Variants in ARHGAP19 observed in about 807,000 individuals in gnomAD.
ARHGAP19 encodes the protein Rho GTPase activating protein 19, also known as rho GTPase-activating protein 19.
Under a neutral mutation model 60.9 loss-of-function variants are expected in ARHGAP19, and 48 were observed. The ratio of observed to expected loss-of-function variants is 0.79; its 90% CI spans 0.62 to 1.00. The LOEUF is 1.00. Ranked by LOEUF, ARHGAP19 falls within the 50% of genes least tolerant of loss-of-function variation. The probability of loss-of-function intolerance (pLI) is 0.00; values close to 1 mark genes in which losing one functional copy is unlikely to be tolerated. For synonymous variants in ARHGAP19, 209 were observed against 215.5 expected, an observed-to-expected ratio of 0.97 and a Z score of 0.27; for missense variants, 562 against 597.2, an observed-to-expected ratio of 0.94 and a Z score of 0.61.
intron 8 of ARHGAP19, among the ~76,000 whole-genome samples, chr10:97,239,578 G>GTGTT (rs1564713590): frequency 2.0e-5 from 3 of 150,766 alleles, no homozygotes; most frequent in African/African-American, 7.4e-5. Context: ...GTGTGTGTGT[G>GTGTT]TGTGTGTGTG....
At chr10:97,251,409 G>A (rs1230110433) in intron 6 of ARHGAP19, among the ~76,000 whole-genome samples, 8 of 20,980 alleles carry the variant, frequency 3.8e-4, no homozygotes, top group Non-Finnish European at 5.1e-4. Context: ...GGAAGGGAAG[G>A]GAAAGGAAGG....
At chr10:97,279,683 CA>C (rs1843060302) in intron 1 of ARHGAP19, among the ~76,000 whole-genome samples, 1 of 152,062 alleles carries the variant, frequency 6.6e-6, no homozygotes, top group Admixed American at 6.5e-5. Flanking sequence ...TTTGTAGACA[CA>C]AGTCTTTCTA....
intron 1 of ARHGAP19, among the ~76,000 whole-genome samples, chr10:97,273,643 T>G: frequency 6.6e-6 from 1 of 151,638 alleles, no homozygotes; most frequent in Non-Finnish European, 1.5e-5. Flanking sequence ...TGAGTGCCAT[T>G]GTGCCCAGCT....
At chr10:97,239,614 T>TG (rs1370170665) in intron 8 of ARHGAP19, among the ~76,000 whole-genome samples, 1 of 148,822 alleles carries the variant, frequency 6.7e-6, no homozygotes, top group Admixed American at 6.7e-5. Context: ...CTAAATGTAG[T>TG]GTGGCACCCT....
At chr10:97,283,157 C>T (rs1843107994) in intron 1 of ARHGAP19, among the ~76,000 whole-genome samples, 1 of 152,070 alleles carries the variant, frequency 6.6e-6, no homozygotes, top group African/African-American at 2.4e-5. Flanking sequence ...TATGTAGTTT[C>T]TATGGCCTAG....
chr10:97,238,250 G>A (rs1454074412), intron 8 of ARHGAP19, among the ~76,000 whole-genome samples: 1 of 152,186 alleles, frequency 6.6e-6, no homozygotes, highest in Non-Finnish European at 1.5e-5. Flanking sequence ...CTGTTGCCCA[G>A]GCTGGAGTGC....
At chr10:97,269,769 A>ACC (rs1842939723) in intron 1 of ARHGAP19, among the ~76,000 whole-genome samples, 1 of 152,222 alleles carries the variant, frequency 6.6e-6, no homozygotes, top group Admixed American at 6.5e-5. Flanking sequence ...ACTGATTCAG[A>ACC]TCAAATTAGC....
chr10:97,246,241 G>T, intron 7 of ARHGAP19, 31 bp downstream of exon 7: 2 of 1,577,228 alleles, frequency 1.3e-6, no homozygotes, highest in Non-Finnish European at 1.7e-6. Context: ...TGCTCTCCTT[G>T]TTTGGGTTAA....
chr10:97,259,621 C>G lies in ARHGAP19; in HGVS notation c.621G>C (p.Met207Ile). Reference protein sequence around the residue: ...FNAHLKIADLMQFDDKGNKTN... With the variant: ...FNAHLKIADLIQFDDKGNKTN... ...TCTTGTTTCCTTTATCATCAAACTG[C>G]ATCAAATCTTGAGGACAAAAGAGAA... Residue 207 changes from methionine to isoleucine, a missense_variant, in exon 5 of 12, where the codon ATG (methionine) becomes ATC (isoleucine). Coordinates refer to ENST00000358531, the MANE Select transcript of ARHGAP19 (RefSeq NM_032900.6). The G allele has an allele frequency of 6.2e-7, 1 of 1,613,668 alleles. No individual in the cohort carries two copies. Among genetic ancestry groups the G allele is most frequent in the Non-Finnish European group, 8.5e-7 (1 of 1,179,652 alleles).
chr10:97,291,483 G>A (rs182328981), intron 1 of ARHGAP19, among the ~76,000 whole-genome samples: 5 of 152,194 alleles, frequency 3.3e-5, no homozygotes, highest in Admixed American at 2.6e-4. Flanking sequence ...TAGTAGAGAC[G>A]GGCTTTCATC....
intron 7 of ARHGAP19, among the ~76,000 whole-genome samples, chr10:97,245,595 C>CAAAAAAAAAAAA (rs397845381): frequency 1.3e-4 from 15 of 112,348 alleles, no homozygotes; most frequent in African/African-American, 5.3e-4. Context: ...AACCCTATCT[C>CAAAAAAAAAAAA]AAAAAAAAAA....
Position 97,239,578 on chromosome 10 carries a change from G to GTT in ARHGAP19, c.1186-4264_1186-4263insAA, listed in dbSNP as rs1564713587. Among the ~76,000 whole-genome samples the GTT allele has an allele frequency of 2.0e-3, 309 of 150,882 alleles. 4 individuals carry two copies. Among genetic ancestry groups the GTT allele is most frequent in the African/African-American group, 7.1e-3 (291 of 40,888 alleles). ...TGTGTGTGTGTGTGTGTGTGTGTGT[G>GTT]TGTGTGTGTGTGTGTGTGTGTGTGT... is the stretch of plus-strand genomic sequence containing the variant. On this transcript the variant is annotated intron_variant, in intron 8 of 11. Transcript: ENST00000358531.
intron 6 of ARHGAP19, among the ~76,000 whole-genome samples, chr10:97,247,722 A>G (rs1038990841): frequency 5.9e-5 from 8 of 135,984 alleles, no homozygotes; most frequent in African/African-American, 2.0e-4. Flanking sequence ...AAAAGAAAGG[A>G]TGGAGAGAAG....
At chr10:97,253,879 T>C (rs536616735) in intron 6 of ARHGAP19, among the ~76,000 whole-genome samples, 1 of 152,292 alleles carries the variant, frequency 6.6e-6, no homozygotes, top group Non-Finnish European at 1.5e-5. Flanking sequence ...AAGAAATTCG[T>C]GCATAGTATA....
intron 1 of ARHGAP19, among the ~76,000 whole-genome samples, chr10:97,282,852 T>C (rs1843103848): frequency 6.9e-6 from 1 of 145,016 alleles, no homozygotes; most frequent in Non-Finnish European, 1.5e-5. Context: ...TTTTTTTTTT[T>C]TTTTTTTGAG....
chr10:97,226,693 A>G (rs775174114), intron 11 of ARHGAP19, among the ~76,000 whole-genome samples: 4 of 152,240 alleles, frequency 2.6e-5, no homozygotes, highest in African/African-American at 9.6e-5. Flanking sequence ...TAGAAGAAAA[A>G]CTAGTTACAG....
At chr10:97,233,866 TAA>T (rs147341327) in intron 9 of ARHGAP19, among the ~76,000 whole-genome samples, 2 of 95,722 alleles carry the variant, frequency 2.1e-5, no homozygotes. Flanking sequence ...AGACTCCATC[TAA>T]AAAAAAAAAG....
rs539398179 is a variant in ARHGAP19, at chr10:97,267,982, G to A, written c.57-1857C>T. On this transcript the variant is annotated intron_variant, in intron 1 of 11. Transcript: ENST00000358531. ...TAGCATTTGGCTCCTCCTTATCTAC[G>A]CAAATTTCTGCTGTCAGCTTGAATT... 1.6e-4 allele frequency among the ~76,000 whole-genome samples: 24 copies of A among 152,312 alleles called. No homozygotes were observed. The South Asian group carries it at 3.7e-3, about 24-fold the overall frequency.
intron 8 of ARHGAP19, among the ~76,000 whole-genome samples, chr10:97,239,337 C>CA (rs999439636): frequency 1.5e-4 from 22 of 150,646 alleles, no homozygotes; most frequent in African/African-American, 4.1e-4. Flanking sequence ...TACTAAAATA[C>CA]AAAAAAAAAT....
Sources: allele counts gnomAD v4.1 joint callset (sites outside exome capture counted in the v4.1 genomes callset), GRCh38; gene constraint gnomAD v4.1.1; transcripts MANE v1.5; gene names NCBI Gene and HGNC (gene_info 2026-07-23, HGNC 2026-07-21).